The following ADGRV1 variants were observed in gnomAD, a reference collection of about 807,000 sequenced individuals.
ADGRV1 encodes the protein G-protein coupled receptor 98.
In ADGRV1, 359 loss-of-function variants were observed where a neutral mutation model predicts 596.2. That is an observed-to-expected ratio of 0.60 (90% CI 0.55 to 0.66). ADGRV1 has a LOEUF of 0.66. Among genes scored for constraint, ADGRV1 ranks in the 30% least tolerant of loss-of-function variants. The probability of loss-of-function intolerance (pLI) is 0.00; values close to 1 mark genes in which losing one functional copy is unlikely to be tolerated. For synonymous variants in ADGRV1, 2,681 were observed against 2,679.2 expected (o/e 1.00, Z -0.02); for missense variants, 7,274 against 7,575.6 (o/e 0.96, Z 1.48).
intron 77 of ADGRV1, among the ~76,000 whole-genome samples, chr5:90,836,356 A>G (rs1273995669): frequency 6.6e-6 from 1 of 152,164 alleles, no homozygotes; most frequent in Non-Finnish European, 1.5e-5. Context: ...GTGAATAGTT[A>G]AACTGTGGTA....
At chr5:90,859,835 G>T (rs998312701) in intron 82 of ADGRV1, among the ~76,000 whole-genome samples, 1 of 151,340 alleles carries the variant, frequency 6.6e-6, no homozygotes, top group Non-Finnish European at 1.5e-5. Flanking sequence ...TGGGTGCTGT[G>T]ACTCATGCCT....
chr5:90,871,440 C>T (rs753374129), intron 83 of ADGRV1, among the ~76,000 whole-genome samples: 1 of 152,106 alleles, frequency 6.6e-6, no homozygotes, highest in Non-Finnish European at 1.5e-5. Flanking sequence ...AATAAGTGGA[C>T]ACTAAAGATA....
chr5:91,151,971 G>GAACA lies in ADGRV1; in HGVS notation c.18625-1249_18625-1246dup, dbSNP rs1268427407. Among the ~76,000 whole-genome samples, 3 of 152,308 alleles carry GAACA rather than the reference G, an allele frequency of 2.0e-5. No homozygotes were observed. The East Asian group carries it at 5.8e-4, about 29-fold the overall frequency. On this transcript the variant is annotated intron_variant, in intron 88 of 89. Transcript: ENST00000405460. Reference sequence around the variant, plus strand: ...AACGAAGTGTCTTTGCTGTTTCTCAGAACACCCTGTGTTGATAGGCAGTAG... The same window carrying GAACA: ...AACGAAGTGTCTTTGCTGTTTCTCAGAACAAACACCCTGTGTTGATAGGCAGTAG...
Position 90,807,646 on chromosome 5 carries a change from C to T in ADGRV1, c.14881C>T (p.Leu4961=), listed in dbSNP as rs1439740787. 1 of 1,613,234 alleles carries T rather than the reference C, an allele frequency of 6.2e-7. No homozygotes were observed. Among genetic ancestry groups the T allele is most frequent in the Non-Finnish European group, 8.5e-7 (1 of 1,179,324 alleles). ...SHGEQRKGVF[L]WTFPSPGWPE... ...CGGTGAACAAAGGAAAGGAGTTTTC[C>T]TGTGGACGTTTCCTAGCCCTGGTTG... is the stretch of plus-strand genomic sequence containing the variant. The change falls in exon 73 of 90, where the codon CTG becomes TTG. Residue 4961 remains leucine, a synonymous_variant. Coordinates refer to ENST00000405460, the MANE Select transcript of ADGRV1 (RefSeq NM_032119.4).
At position 91,072,612 on chromosome 5, in the gene ADGRV1, A is replaced by G. The variant is rs757717887; in HGVS notation, c.18310+8A>G. On this transcript the variant is annotated splice_region_variant and intron_variant, in intron 86 of 89. Coordinates refer to ENST00000405460, the MANE Select transcript of ADGRV1 (RefSeq NM_032119.4). ...GAAGGACAAATGCTGCAGGTTTGAAAGGAACTATATTTGTACTTTGGAGAT... is the reference window on the plus strand; with the variant it reads ...GAAGGACAAATGCTGCAGGTTTGAAGGGAACTATATTTGTACTTTGGAGAT... 6 of 1,613,138 alleles carry G rather than the reference A, an allele frequency of 3.7e-6. No individual in the cohort carries two copies. In the Admixed American group the frequency reaches 5.0e-5, roughly 13 times the overall value.
chr5:90,962,405 C>T (rs1778113285), intron 83 of ADGRV1, among the ~76,000 whole-genome samples: 1 of 152,144 alleles, frequency 6.6e-6, no homozygotes, highest in Non-Finnish European at 1.5e-5. Flanking sequence ...CAACTTAATG[C>T]TTTCAGAGAA....
rs1475232454 is a variant in ADGRV1, at chr5:90,871,274, T to A, written c.17856+7417T>A. 2.6e-5 allele frequency among the ~76,000 whole-genome samples: 4 copies of A among 152,220 alleles called. No homozygotes were observed. In the East Asian group the frequency reaches 7.7e-4, roughly 29 times the overall value. On this transcript the variant is annotated intron_variant, in intron 83 of 89. Transcript: ENST00000405460. ...TAAGGTATTGAATTCCCCAAAAAAATATTATTTTATTTTTGCTTTCTTTTT... is the reference window on the plus strand; with the variant it reads ...TAAGGTATTGAATTCCCCAAAAAAAAATTATTTTATTTTTGCTTTCTTTTT...
chr5:91,156,021 G>C (rs1796450669), intron 89 of ADGRV1, among the ~76,000 whole-genome samples: 1 of 152,120 alleles, frequency 6.6e-6, no homozygotes, highest in Non-Finnish European at 1.5e-5. Context: ...TCACCACAAT[G>C]GCTGACTAAA....
At chr5:90,599,920 G>T (rs575502260) in intron 1 of ADGRV1, among the ~76,000 whole-genome samples, 1 of 152,168 alleles carries the variant, frequency 6.6e-6, no homozygotes. Context: ...GCAAATTAAG[G>T]CTCTTATTTT....
intron 59 of ADGRV1, among the ~76,000 whole-genome samples, chr5:90,771,837 C>T (rs1561697124): frequency 6.6e-6 from 1 of 152,142 alleles, no homozygotes; most frequent in Non-Finnish European, 1.5e-5. Context: ...GCTAAGTAGG[C>T]TCTTTCTATG....
At chr5:90,596,282 C>T (rs774263997) in intron 1 of ADGRV1, among the ~76,000 whole-genome samples, 15 of 151,626 alleles carry the variant, frequency 9.9e-5, no homozygotes, top group Non-Finnish European at 1.8e-4. Flanking sequence ...GGCCGCCGGG[C>T]AGAGACGCTC....
intron 77 of ADGRV1, among the ~76,000 whole-genome samples, chr5:90,833,086 G>A (rs1237016050): frequency 6.6e-6 from 1 of 152,038 alleles, no homozygotes; most frequent in East Asian, 1.9e-4. Context: ...GCTATTCTGA[G>A]TCTTTTGTAG....
rs1319696229 is a variant in ADGRV1 at position 90,721,571 on chromosome 5, T to TAAAAAA, written c.9748+516_9748+517insAAAAAA. ...TAAAATAAAATAAAATAAAATAAAATAAAATAAAATAAAATAAAATATGTA... is the reference window on the plus strand; with the variant it reads ...TAAAATAAAATAAAATAAAATAAAATAAAAAAAAAATAAAATAAAATAAAATATGTA... On this transcript the variant is annotated intron_variant, in intron 45 of 89. Coordinates refer to ENST00000405460, the MANE Select transcript of ADGRV1 (RefSeq NM_032119.4). Among the ~76,000 whole-genome samples the TAAAAAA allele has an allele frequency of 1.4e-3, 186 of 135,094 alleles. 16 individuals are homozygous for TAAAAAA. Among genetic ancestry groups the TAAAAAA allele is most frequent in the Non-Finnish European group, 1.3e-3 (82 of 63,526 alleles). The allele number at this position is 135,094 out of a possible 152,430, so 88.6% of individuals were successfully genotyped here. A position where few individuals can be genotyped will look rare whatever the true frequency, so the allele number is the denominator to read the frequency against.
chr5:90,767,666 A>G (rs1230069930), intron 59 of ADGRV1, among the ~76,000 whole-genome samples: 1 of 148,194 alleles, frequency 6.7e-6, no homozygotes, highest in Non-Finnish European at 1.5e-5. Context: ...TACATGGTCC[A>G]TGTCTTACTT....
At chr5:90,980,269 C>G (rs2151028576) in intron 84 of ADGRV1, among the ~76,000 whole-genome samples, 1 of 152,196 alleles carries the variant, frequency 6.6e-6, no homozygotes, top group African/African-American at 2.4e-5. Flanking sequence ...GATTTTTAAG[C>G]TAAAAAAATT....
At chr5:90,775,394 A>G (rs1435336628) in intron 60 of ADGRV1, among the ~76,000 whole-genome samples, 1 of 152,200 alleles carries the variant, frequency 6.6e-6, no homozygotes, top group Non-Finnish European at 1.5e-5. Flanking sequence ...TTAGTTATCT[A>G]CATCATGTTA....
intron 21 of ADGRV1, among the ~76,000 whole-genome samples, chr5:90,665,939 A>T (rs1771282792): frequency 6.7e-6 from 1 of 149,324 alleles, no homozygotes; most frequent in Non-Finnish European, 1.5e-5. Context: ...TGAGATTCTT[A>T]ATCCTGAGTT....
intron 79 of ADGRV1, among the ~76,000 whole-genome samples, chr5:90,851,129 G>GTGTGTC (rs1336519062): frequency 5.4e-5 from 6 of 111,202 alleles, no homozygotes; most frequent in Non-Finnish European, 9.3e-5. Flanking sequence ...GTGTGTGTGT[G>GTGTGTC]TGTGTGAGAG....
At chr5:90,813,157 A>AAAAAAAAAAAAAAAAAAC (rs1762595990) in intron 74 of ADGRV1, among the ~76,000 whole-genome samples, 1 of 93,746 alleles carries the variant, frequency 1.1e-5, no homozygotes, top group Non-Finnish European at 2.3e-5. Flanking sequence ...AAAAAAAAAA[A>AAAAAAAAAAAAAAAAAAC]AAAAAAATTT....
Sources: allele counts gnomAD v4.1 joint callset (sites outside exome capture counted in the v4.1 genomes callset), GRCh38; gene constraint gnomAD v4.1.1; transcripts MANE v1.5; gene names NCBI Gene and HGNC (gene_info 2026-07-23, HGNC 2026-07-21).